Variants in PLOD1 observed in about 807,000 individuals in gnomAD.
The protein encoded by PLOD1 is procollagen-lysine,2-oxoglutarate 5-dioxygenase 1, also known as lysine hydroxylase.
A neutral mutation model predicts 94.7 loss-of-function variants in PLOD1; 70 were observed. The observed-to-expected ratio is 0.74, with a 90% CI of 0.61 to 0.90. The LOEUF (loss-of-function observed/expected upper bound fraction) is 0.90, where lower values mean the gene tolerates loss of function less well. PLOD1 is among the 40% of genes least tolerant of loss of function. The pLI, the probability that PLOD1 is intolerant of heterozygous loss-of-function variation, is 0.00. For missense variants in PLOD1, 905 were observed against 972.7 expected, an observed-to-expected ratio of 0.93 and a Z score of 0.93; for synonymous variants, 417 against 400.2, an observed-to-expected ratio of 1.04 and a Z score of -0.50.
At chr1:11,954,464 T>C in intron 5 of PLOD1, 1 of 492,426 alleles carries the variant, frequency 2.0e-6, no homozygotes, top group Non-Finnish European at 4.2e-6. Flanking sequence ...CCAGCCTGGG[T>C]GACAAGAGCG....
chr1:11,936,690 T>G (rs1163420215), intron 1 of PLOD1, among the ~76,000 whole-genome samples: 1 of 151,770 alleles, frequency 6.6e-6, no homozygotes, highest in Non-Finnish European at 1.5e-5. Context: ...GCCCAGCTAA[T>G]TTTTGTATCT....
chr1:11,944,194 C>G (rs376351774), intron 1 of PLOD1, among the ~76,000 whole-genome samples: 17 of 151,948 alleles, frequency 1.1e-4, no homozygotes, highest in African/African-American at 3.6e-4. Context: ...GATCTAGCCA[C>G]TGCACTCCAG....
chr1:11,955,337 G>A (rs1645730860), intron 6 of PLOD1, among the ~76,000 whole-genome samples: 1 of 152,232 alleles, frequency 6.6e-6, no homozygotes, highest in Non-Finnish European at 1.5e-5. Context: ...CATGTCTGTG[G>A]CTGGTGATGA....
rs554170889 is a variant in PLOD1, at chr1:11,970,134, C to G, written c.1756-536C>G. Among the ~76,000 whole-genome samples the G allele has an allele frequency of 1.8e-4, 28 of 152,092 alleles. No homozygotes were observed. The South Asian group carries it at 5.8e-3, about 32-fold the overall frequency. On this transcript the variant is annotated intron_variant, in intron 16 of 18. Coordinates refer to ENST00000196061, the MANE Select transcript of PLOD1 (RefSeq NM_000302.4). ...GGCATGGTGGCGCACGCCTGTAATC[C>G]CAGCTACTCGGGAGGCTGAGGCAGG...
At chr1:11,936,865 G>A (rs1176516453) in intron 1 of PLOD1, among the ~76,000 whole-genome samples, 1 of 77,224 alleles carries the variant, frequency 1.3e-5, no homozygotes, top group Non-Finnish European at 2.6e-5. Context: ...TTTTTTTTTT[G>A]AGGCAGAGTT....
At chr1:11,950,332 C>G (rs775459324) in intron 3 of PLOD1, 25 bp from the exon 4 acceptor site, 1 of 1,613,166 alleles carries the variant, frequency 6.2e-7, no homozygotes, top group South Asian at 1.1e-5. Context: ...TGCCCTGCTC[C>G]GTCTTCTCGC....
chr1:11,965,344 T>C lies in PLOD1; in HGVS notation c.1471-136T>C, dbSNP rs117352513. On this transcript the variant is annotated intron_variant, in intron 13 of 18. Coordinates refer to ENST00000196061, the MANE Select transcript of PLOD1 (RefSeq NM_000302.4). ...CTGGGGACATAGCGGTGACTGCACT[T>C]GGTCTCTGATATTGGGAACTTCAGT... 2,707 of 667,392 alleles carry C rather than the reference T, an allele frequency of 4.1e-3. 42 individuals are homozygous for C. Among genetic ancestry groups the C allele is most frequent in the East Asian group, 0.034 (1,248 of 36,694 alleles). The allele number at this position is 667,392 out of a possible 1,614,324, so 41.3% of individuals were successfully genotyped here.
intron 1 of PLOD1, among the ~76,000 whole-genome samples, chr1:11,937,351 C>T (rs555058451): frequency 1.5e-4 from 23 of 152,284 alleles, no homozygotes; most frequent in Admixed American, 1.4e-3. Context: ...ATGCCTGGCC[C>T]ATGAAAGGCC....
rs1042467995 is a variant in PLOD1 at position 11,965,072 on chromosome 1, C to T, written c.1470+287C>T. Reference sequence around the variant, plus strand: ...ATAGCCCAAAGAAAACGGAACTTTCCACCTAAAGGTACTCCAAGTGATGTG... The same window carrying T: ...ATAGCCCAAAGAAAACGGAACTTTCTACCTAAAGGTACTCCAAGTGATGTG... On this transcript the variant is annotated intron_variant, in intron 13 of 18. Coordinates refer to ENST00000196061, the MANE Select transcript of PLOD1 (RefSeq NM_000302.4). 7.2e-5 allele frequency among the ~76,000 whole-genome samples: 11 copies of T among 152,164 alleles called. No individual in the cohort carries two copies. In the South Asian group the frequency reaches 2.1e-3, roughly 29 times the overall value.
At chr1:11,943,458 G>A (rs937443809) in intron 1 of PLOD1, among the ~76,000 whole-genome samples, 1 of 151,442 alleles carries the variant, frequency 6.6e-6, no homozygotes, top group Admixed American at 6.6e-5. Context: ...CACCACGCCC[G>A]GCTAATTTTT....
chr1:11,964,660 C>T lies in PLOD1; in HGVS notation c.1345C>T (p.Pro449Ser). The change falls in exon 13 of 19, where the codon CCC (proline) becomes TCC (serine). Residue 449 changes from proline to serine, a missense_variant. By Grantham distance (74) the Pro-to-Ser change is moderately conservative. Transcript: ENST00000196061. Reference sequence around the variant, plus strand: ...CTCCCACAGTGGTGTCTGGAATGTGCCCTATATTTCAAACATCTACTTGAT... The same window carrying T: ...CTCCCACAGTGGTGTCTGGAATGTGTCCTATATTTCAAACATCTACTTGAT... ...QGRRVGVWNV[P>S]YISNIYLIKG... The T allele has an allele frequency of 6.2e-7, 1 of 1,612,464 alleles. No homozygotes were observed. The highest frequency in any genetic ancestry group is 1.1e-5 in the South Asian group (1 of 91,070).
intron 1 of PLOD1, among the ~76,000 whole-genome samples, chr1:11,947,020 G>A (rs1645659665): frequency 6.6e-6 from 1 of 152,088 alleles, no homozygotes; most frequent in Non-Finnish European, 1.5e-5. Flanking sequence ...TGTAATCCTG[G>A]CACTTTGGGA....
chr1:11,941,339 C>CT (rs1237526365), intron 1 of PLOD1, among the ~76,000 whole-genome samples: 4 of 147,170 alleles, frequency 2.7e-5, no homozygotes, highest in Non-Finnish European at 3.0e-5. Flanking sequence ...CATGTTGCTG[C>CT]TTTTTTTTTT....
intron 5 of PLOD1, among the ~76,000 whole-genome samples, chr1:11,953,336 G>A (rs961240554): frequency 6.6e-6 from 1 of 151,702 alleles, no homozygotes; most frequent in South Asian, 2.1e-4. Context: ...GATTACAGTC[G>A]TGAGCCACCG....
Position 11,974,716 on chromosome 1 carries a change from C to T in PLOD1, c.2092C>T (p.Leu698Phe). 2 of 1,613,958 alleles carry T rather than the reference C, an allele frequency of 1.2e-6. No homozygotes were observed. The highest frequency in any genetic ancestry group is 1.7e-6 in the Non-Finnish European group (2 of 1,179,830). The stretch of plus-strand genomic sequence containing the variant: ...CCGAGCCCCAAGGAAGGGCTGGACC[C>T]TCATGCACCCTGGACGACTCACGCA... Reference protein sequence around the residue: ...SIRAPRKGWTLMHPGRLTHYH... With the variant: ...SIRAPRKGWTFMHPGRLTHYH... The change falls in exon 19 of 19, where the codon CTC becomes TTC. Residue 698 changes from leucine to phenylalanine, a missense_variant. Leu to Phe is a conservative substitution (Grantham distance 22). Coordinates refer to ENST00000196061, the MANE Select transcript of PLOD1 (RefSeq NM_000302.4).
Position 11,956,962 on chromosome 1 carries a change from A to C in PLOD1, c.689A>C (p.Asn230Thr), listed in dbSNP as rs950451933. Residue 230 changes from asparagine to threonine, a missense_variant, in exon 7 of 19, where the codon AAC becomes ACC. Physicochemically the swap from Asn to Thr is moderately conservative, Grantham distance 65 (BLOSUM62 0). Transcript: ENST00000196061. Reference protein sequence around the residue: ...KFEMGHVRARNLAYDTLPVLI... With the variant: ...KFEMGHVRARTLAYDTLPVLI... ...GAAATGGGCCATGTGAGAGCGAGGA[A>C]CCTGGCCTATGACACCCTCCCGGTC... 1 of 1,613,636 alleles carries C rather than the reference A, an allele frequency of 6.2e-7. No homozygotes were observed. The highest frequency in any genetic ancestry group is 8.5e-7 in the Non-Finnish European group (1 of 1,179,846).
chr1:11,962,154 T>A (rs1457703229), intron 10 of PLOD1, among the ~76,000 whole-genome samples: 2 of 152,034 alleles, frequency 1.3e-5, no homozygotes, highest in Non-Finnish European at 2.9e-5. Flanking sequence ...GGTCTCAAAC[T>A]CCTGGCTTGA....
At chr1:11,941,283 C>T (rs560405575) in intron 1 of PLOD1, among the ~76,000 whole-genome samples, 13 of 151,556 alleles carry the variant, frequency 8.6e-5, no homozygotes, top group Non-Finnish European at 1.9e-4. Context: ...TGCTCTGTCA[C>T]CCAGGCTAGA....
At chr1:11,959,465 CAG>C (rs1456827176) in intron 9 of PLOD1, among the ~76,000 whole-genome samples, 6 of 143,810 alleles carry the variant, frequency 4.2e-5, no homozygotes, top group Middle Eastern at 3.7e-3. Flanking sequence ...TTTTTTGAGA[CAG>C]AGTCTCGCTG....
Sources: gnomAD v4.1 joint callset for allele counts (sites outside exome capture counted in the v4.1 genomes callset) on GRCh38, gnomAD v4.1.1 for gene constraint, MANE v1.5 for transcripts, NCBI Gene and HGNC (gene_info 2026-07-23, HGNC 2026-07-21) for gene names.